Variants in NCKAP5 observed in about 807,000 individuals in gnomAD.
NCKAP5 encodes the protein NCK associated protein 5.
Under a neutral mutation model 167.0 loss-of-function variants are expected in NCKAP5, and 92 were observed. The ratio of observed to expected loss-of-function variants is 0.55; its 90% CI spans 0.47 to 0.66. The LOEUF (loss-of-function observed/expected upper bound fraction) is 0.66. Among genes scored for constraint, NCKAP5 ranks in the 30% least tolerant of loss-of-function variants. The pLI, the probability that NCKAP5 is intolerant of heterozygous loss-of-function variation, is 0.00. For missense variants in NCKAP5, 2,378 were observed against 2,315.0 expected (o/e 1.03, Z -0.56); for synonymous variants, 891 against 877.4 (o/e 1.02, Z -0.27).
intron 5 of NCKAP5, among the ~76,000 whole-genome samples, chr2:133,196,200 G>C (rs1185353527): frequency 6.6e-6 from 1 of 152,158 alleles, no homozygotes; most frequent in African/African-American, 2.4e-5. Flanking sequence ...TCTTCAACTG[G>C]AAATGATGGG....
In NCKAP5 at chr2:132,783,123, G is replaced by C; in HGVS notation, c.3688C>G (p.Gln1230Glu). ...GGGATGCTACTTTCCAATGGCTCTT[G>C]TAGTGCTGTTTCCAGGGGAAGCCCA... ...ADGLPLETAL[Q>E]EPLESSIPGS... Residue 1230 changes from glutamine (Q) to glutamate (E), a missense_variant, in exon 14 of 20, where the codon CAA (glutamine) becomes GAA (glutamate). Physicochemically the swap from Gln to Glu is conservative, Grantham distance 29. Coordinates refer to ENST00000409261, the MANE Select transcript of NCKAP5 (RefSeq NM_207363.3). 6.2e-7 allele frequency: 1 copy of C among 1,613,708 alleles called. No individual in the cohort carries two copies. Among genetic ancestry groups the C allele is most frequent in the Non-Finnish European group, 8.5e-7 (1 of 1,179,796 alleles).
At chr2:133,358,780 A>G (rs913717912) in intron 3 of NCKAP5, among the ~76,000 whole-genome samples, 1 of 152,248 alleles carries the variant, frequency 6.6e-6, no homozygotes, top group Non-Finnish European at 1.5e-5. Context: ...CAAAAGCCAT[A>G]TGGCTAACAC....
At chr2:132,690,276 A>G (rs1386966819) in intron 19 of NCKAP5, among the ~76,000 whole-genome samples, 2 of 152,182 alleles carry the variant, frequency 1.3e-5, no homozygotes, top group African/African-American at 4.8e-5. Context: ...ATCAGTGAGC[A>G]TAAGTGTTCT....
intron 4 of NCKAP5, among the ~76,000 whole-genome samples, chr2:133,263,669 A>T (rs1301949270): frequency 6.6e-6 from 1 of 151,968 alleles, no homozygotes; most frequent in Non-Finnish European, 1.5e-5. Flanking sequence ...GGAGTGGAGA[A>T]AAGGAATCTA....
At chr2:132,872,622 C>T (rs143305659) in intron 9 of NCKAP5, among the ~76,000 whole-genome samples, 416 of 152,310 alleles carry the variant, frequency 2.7e-3, no homozygotes, top group African/African-American at 9.3e-3. Flanking sequence ...GATCTCCATG[C>T]TCTATGCTTT....
intron 8 of NCKAP5, among the ~76,000 whole-genome samples, chr2:132,920,709 GTATATATATGTA>G (rs1200968908): frequency 1.4e-5 from 1 of 69,992 alleles, no homozygotes; most frequent in Non-Finnish European, 2.5e-5. Context: ...ATACGTATAT[GTATATATATGTA>G]TATATATATA....
chr2:133,239,654 G>T (rs981894662), intron 4 of NCKAP5, among the ~76,000 whole-genome samples: 49 of 152,086 alleles, frequency 3.2e-4, no homozygotes, highest in African/African-American at 1.1e-3. Context: ...TTCAAATCCT[G>T]CTACCTTTTA....
At chr2:133,420,438 G>A (rs1027419485) in intron 3 of NCKAP5, among the ~76,000 whole-genome samples, 12 of 152,174 alleles carry the variant, frequency 7.9e-5, no homozygotes, top group African/African-American at 2.9e-4. Flanking sequence ...TGCCAGCTAG[G>A]CTAGGGCTGG....
chr2:132,800,277 T>G (rs1050526251), intron 11 of NCKAP5, among the ~76,000 whole-genome samples: 1 of 152,208 alleles, frequency 6.6e-6, no homozygotes, highest in Non-Finnish European at 1.5e-5. Flanking sequence ...ACTGTTAGTG[T>G]TCATCTGAAT....
At chr2:133,251,376 AT>A (rs551557399) in intron 4 of NCKAP5, among the ~76,000 whole-genome samples, 3,703 of 150,138 alleles carry the variant, frequency 0.025, 140 homozygotes, top group African/African-American at 0.084. Flanking sequence ...AAACAGACAA[AT>A]TTTTTTTTTA....
intron 3 of NCKAP5, among the ~76,000 whole-genome samples, chr2:133,341,673 A>G (rs1037046314): frequency 3.9e-5 from 6 of 152,022 alleles, no homozygotes; most frequent in Non-Finnish European, 8.8e-5. Flanking sequence ...CCAGCTGTTA[A>G]GTAAAGTAGC....
chr2:133,236,896 A>C (rs1312001462), intron 4 of NCKAP5, among the ~76,000 whole-genome samples: 2 of 152,126 alleles, frequency 1.3e-5, no homozygotes, highest in Non-Finnish European at 2.9e-5. Flanking sequence ...TAAGAGTAGA[A>C]ATTCACCATT....
chr2:133,093,443 C>T (rs1248472723), intron 6 of NCKAP5, among the ~76,000 whole-genome samples: 1 of 152,200 alleles, frequency 6.6e-6, no homozygotes, highest in Non-Finnish European at 1.5e-5. Context: ...CGAAGCTTGA[C>T]ATCCTGCAAT....
chr2:132,774,028 G>A lies in NCKAP5; in HGVS notation c.5050-134C>T, dbSNP rs1682326920. The A allele has an allele frequency of 6.6e-5, 44 of 664,088 alleles. No individual in the cohort carries two copies. The Middle Eastern group carries it at 1.3e-3, about 19-fold the overall frequency. The allele number at this position is 664,088 out of a possible 1,614,324, so 41.1% of individuals were successfully genotyped here. ...TGAGTGTTTGCATGTATATACATGT[G>A]TGAGTATGTATGTATACATATAAAA... On this transcript the variant is annotated intron_variant, in intron 15 of 19. Coordinates refer to ENST00000409261, the MANE Select transcript of NCKAP5 (RefSeq NM_207363.3).
At chr2:133,478,764 T>C (rs1680172188) in intron 3 of NCKAP5, among the ~76,000 whole-genome samples, 1 of 131,978 alleles carries the variant, frequency 7.6e-6, no homozygotes, top group African/African-American at 2.6e-5. Context: ...AAAGCCAGAG[T>C]CTTAAACCCA....
chr2:133,197,115 G>A (rs1458612658), intron 5 of NCKAP5, among the ~76,000 whole-genome samples: 2 of 152,192 alleles, frequency 1.3e-5, no homozygotes, highest in Non-Finnish European at 2.9e-5. Context: ...GATCAGGAAA[G>A]GAGGCTCCAA....
At chr2:132,686,944 A>T (rs1234539202) in intron 19 of NCKAP5, among the ~76,000 whole-genome samples, 2 of 152,224 alleles carry the variant, frequency 1.3e-5, no homozygotes, top group Non-Finnish European at 1.5e-5. Flanking sequence ...ACAACATTAC[A>T]GATTGCAAGG....
At chr2:133,015,968 C>T (rs768233602) in intron 6 of NCKAP5, among the ~76,000 whole-genome samples, 1 of 152,042 alleles carries the variant, frequency 6.6e-6, no homozygotes, top group African/African-American at 2.4e-5. Context: ...CCAACAAAAA[C>T]AGCAGGTACA....
At chr2:133,469,594 C>G (rs1692884940) in intron 3 of NCKAP5, among the ~76,000 whole-genome samples, 1 of 152,046 alleles carries the variant, frequency 6.6e-6, no homozygotes, top group Admixed American at 6.6e-5. Context: ...TGGATAATAT[C>G]CTGCAGCGTG....
Sources: gnomAD v4.1 joint callset for allele counts (sites outside exome capture counted in the v4.1 genomes callset) on GRCh38, gnomAD v4.1.1 for gene constraint, MANE v1.5 for transcripts, NCBI Gene and HGNC (gene_info 2026-07-23, HGNC 2026-07-21) for gene names.